Variants in COL23A1 observed in about 807,000 individuals in gnomAD.
The protein encoded by COL23A1 is collagen alpha-1(XXIII) chain.
A neutral mutation model predicts 99.3 loss-of-function variants in COL23A1; 97 were observed. The observed-to-expected ratio is 0.98, with a 90% confidence interval of 0.83 to 1.16. The LOEUF (loss-of-function observed/expected upper bound fraction) is 1.16, where lower values mean the gene tolerates loss of function less well. Ranked by LOEUF, COL23A1 falls within the 50% of genes most tolerant of loss-of-function variation. The probability of loss-of-function intolerance (pLI) is 0.00; values close to 1 mark genes in which losing one functional copy is unlikely to be tolerated. For missense variants in COL23A1, 762 were observed against 757.4 expected (o/e 1.01, Z -0.07); for synonymous variants, 320 against 308.2 (o/e 1.04, Z -0.40).
At chr5:178,582,175 C>G (rs1763692644) in intron 1 of COL23A1, among the ~76,000 whole-genome samples, 1 of 140,086 alleles carries the variant, frequency 7.1e-6, no homozygotes, top group Non-Finnish European at 1.5e-5. Context: ...CGACTGCACT[C>G]CAGCCTGGGA....
intron 3 of COL23A1, among the ~76,000 whole-genome samples, chr5:178,302,229 A>C (rs1190112548): frequency 1.4e-5 from 1 of 72,688 alleles, no homozygotes; most frequent in Non-Finnish European, 3.4e-5. Context: ...TGTGCGCCGG[A>C]GCACAGCGTC....
intron 17 of COL23A1, among the ~76,000 whole-genome samples, chr5:178,251,419 A>G (rs189951633): frequency 5.2e-4 from 79 of 152,348 alleles, no homozygotes; most frequent in Middle Eastern, 6.8e-3. Context: ...CTGGAAAAAA[A>G]TCTCCAAGTA....
chr5:178,254,857 T>TA, intron 16 of COL23A1, 92 bp downstream of exon 16: 3 of 1,145,642 alleles, frequency 2.6e-6, no homozygotes, highest in Non-Finnish European at 3.9e-6. Context: ...GTCCCTTGTG[T>TA]AAAAAAGTGC....
At chr5:178,487,250 A>T (rs1354394948) in intron 2 of COL23A1, among the ~76,000 whole-genome samples, 1 of 152,124 alleles carries the variant, frequency 6.6e-6, no homozygotes, top group Non-Finnish European at 1.5e-5. Flanking sequence ...CTTCCCTGGT[A>T]AATCAATCTC....
intron 1 of COL23A1, among the ~76,000 whole-genome samples, chr5:178,586,033 C>G (rs1763986801): frequency 6.6e-6 from 1 of 152,192 alleles, no homozygotes; most frequent in Non-Finnish European, 1.5e-5. Context: ...CCCTTCTACC[C>G]AGGCTACTCT....
In COL23A1 at chr5:178,309,914, G is replaced by A. The variant is rs1758576720; in HGVS notation, c.362-2995C>T. ...AACTCCCACTGCAGGACACGACCAA[G>A]TGATGTGTGTTCAGGGGAGGAAGGG... On this transcript the variant is annotated intron_variant, in intron 2 of 28. Transcript: ENST00000390654. This position sits in a 1 kb window ranked among gnomAD's most constrained non-coding sequence, Gnocchi z 4.7. 6.9e-6 allele frequency among the ~76,000 whole-genome samples: 1 copy of A among 145,840 alleles called. No homozygotes were observed. The highest frequency in any genetic ancestry group is 2.6e-5 in the African/African-American group (1 of 39,002).
chr5:178,552,863 G>A (rs1235453797), intron 2 of COL23A1, among the ~76,000 whole-genome samples: 8 of 151,994 alleles, frequency 5.3e-5, no homozygotes, highest in South Asian at 2.1e-4. Flanking sequence ...ACAGGCGCGT[G>A]CCACCACACC....
At chr5:178,461,818 CAG>C (rs1257444157) in intron 2 of COL23A1, among the ~76,000 whole-genome samples, 2 of 152,182 alleles carry the variant, frequency 1.3e-5, no homozygotes, top group African/African-American at 2.4e-5. Context: ...TTCGAAATAA[CAG>C]GGGTTCAAGA....
At position 178,242,540 on chromosome 5, in the gene COL23A1, G is replaced by C. The variant is rs1764464162; in HGVS notation, c.1441-146C>G. ...ACACGCTGGCCTAGCCCTAGCTGTA[G>C]GTGATACACTGCTGGGTACAAGGCT... is the stretch of plus-strand genomic sequence containing the variant. On this transcript the variant is annotated intron_variant, in intron 25 of 28. Coordinates refer to ENST00000390654, the MANE Select transcript of COL23A1 (RefSeq NM_173465.4). 4 of 759,120 alleles carry C rather than the reference G, an allele frequency of 5.3e-6. No homozygotes were observed. In the South Asian group the frequency reaches 6.3e-5, roughly 12 times the overall value. 47.0% of individuals were successfully genotyped at this position (759,120 alleles called of 1,614,324 possible).
At chr5:178,524,679 G>A (rs1309836728) in intron 2 of COL23A1, among the ~76,000 whole-genome samples, 7 of 152,170 alleles carry the variant, frequency 4.6e-5, no homozygotes, top group Non-Finnish European at 1.0e-4. Flanking sequence ...TCCAGGCCAC[G>A]CTGACCCGAG....
At chr5:178,453,612 G>A (rs929384672) in intron 2 of COL23A1, among the ~76,000 whole-genome samples, 36 of 152,142 alleles carry the variant, frequency 2.4e-4, no homozygotes, top group Non-Finnish European at 7.3e-5. Flanking sequence ...GAGCTAGGAG[G>A]GTTCTTAAGA....
chr5:178,542,575 G>C (rs1761349069), intron 2 of COL23A1, among the ~76,000 whole-genome samples: 1 of 152,128 alleles, frequency 6.6e-6, no homozygotes, highest in Non-Finnish European at 1.5e-5. Context: ...AAACAAACCA[G>C]AAGGCTCTTA....
intron 2 of COL23A1, among the ~76,000 whole-genome samples, chr5:178,470,450 G>A (rs921851113): frequency 3.9e-5 from 6 of 152,182 alleles, no homozygotes; most frequent in Admixed American, 1.3e-4. Context: ...AACCCAGGAC[G>A]TGAGGACTCC....
At chr5:178,431,431 C>T (rs6894372) in intron 2 of COL23A1, among the ~76,000 whole-genome samples, 7 of 152,148 alleles carry the variant, frequency 4.6e-5, no homozygotes, top group African/African-American at 1.2e-4. Flanking sequence ...CCAGAACCCG[C>T]GAATGGTTCC....
chr5:178,507,340 G>C (rs186891416), intron 2 of COL23A1, among the ~76,000 whole-genome samples: 14 of 152,246 alleles, frequency 9.2e-5, no homozygotes, highest in Admixed American at 8.5e-4. Context: ...CCGATCTTTA[G>C]CTTTACAAAG....
intron 2 of COL23A1, among the ~76,000 whole-genome samples, chr5:178,490,256 T>C (rs941921980): frequency 4.2e-4 from 63 of 150,448 alleles, no homozygotes; most frequent in African/African-American, 1.3e-3. Context: ...AAACAAAAAA[T>C]GAGAGAGAGA....
At chr5:178,533,779 G>A (rs1412419640) in intron 2 of COL23A1, among the ~76,000 whole-genome samples, 2 of 152,200 alleles carry the variant, frequency 1.3e-5, no homozygotes, top group Admixed American at 1.3e-4. Context: ...TTACAGGCAT[G>A]AGCCACCACA....
intron 1 of COL23A1, among the ~76,000 whole-genome samples, chr5:178,580,696 C>T (rs1763620994): frequency 1.3e-5 from 2 of 152,214 alleles, no homozygotes; most frequent in African/African-American, 4.8e-5. Flanking sequence ...GGACCAAGCA[C>T]GGTGCCTGGC....
intron 2 of COL23A1, among the ~76,000 whole-genome samples, chr5:178,493,230 T>C (rs189432555): frequency 5.3e-4 from 80 of 152,214 alleles, no homozygotes; most frequent in African/African-American, 1.8e-3. Context: ...AGAAATCTCT[T>C]CCCCAGGCCA....
Sources: allele counts gnomAD v4.1 joint callset (sites outside exome capture counted in the v4.1 genomes callset), GRCh38; gene constraint gnomAD v4.1.1; non-coding constraint Gnocchi (gnomAD v3.1); transcripts MANE v1.5; gene names NCBI Gene and HGNC (gene_info 2026-07-23, HGNC 2026-07-21).